Variants in HK1 observed in about 807,000 individuals in gnomAD.
HK1 encodes the protein hexokinase-1.
In HK1, 28 loss-of-function variants were observed where a neutral mutation model predicts 91.6. The ratio of observed to expected loss-of-function variants is 0.31; its 90% CI spans 0.23 to 0.42. HK1 has a LOEUF of 0.42. HK1 is among the 10% of genes least tolerant of loss of function. The pLI, the probability that HK1 is intolerant of heterozygous loss-of-function variation, is 1.00. For missense variants in HK1, 770 were observed against 1,219.8 expected (o/e 0.63, Z 5.49); for synonymous variants, 430 against 468.1 (o/e 0.92, Z 1.05).
rs377415022 is a variant in HK1 at position 69,307,677 on chromosome 10, C to T, written c.27+6816C>T. Among the ~76,000 whole-genome samples, 79 of 152,068 alleles carry T rather than the reference C, an allele frequency of 5.2e-4. 1 individual carries two copies. The South Asian group carries it at 0.016, about 30-fold the overall frequency. On this transcript the variant is annotated intron_variant, in intron 5 of 21. Coordinates refer to the HK1 transcript ENST00000360289. ...AAATGGGGATATTACGAGTATCCACCTCATTGTGTTGTTTTAAGGATCAAT... is the reference window on the plus strand; with the variant it reads ...AAATGGGGATATTACGAGTATCCACTTCATTGTGTTGTTTTAAGGATCAAT...
intron 3 of HK1, among the ~76,000 whole-genome samples, chr10:69,295,370 T>C (rs1405075321): frequency 2.0e-5 from 3 of 152,228 alleles, no homozygotes; most frequent in Admixed American, 1.3e-4. Flanking sequence ...TCTTGGACTC[T>C]CCAGCTTCCA....
At chr10:69,342,319 C>T (rs754586855) in intron 1 of HK1, among the ~76,000 whole-genome samples, 29 of 152,234 alleles carry the variant, frequency 1.9e-4, no homozygotes, top group East Asian at 1.9e-4. Flanking sequence ...CAGGGTGACA[C>T]GCATGGAAAG....
At chr10:69,382,403 A>C in intron 9 of HK1, 84 bp from the exon 10 acceptor site, 1 of 1,374,630 alleles carries the variant, frequency 7.3e-7, no homozygotes, top group Non-Finnish European at 1.0e-6. Context: ...AAAGAGTTAA[A>C]GAGTGGAGAA....
intron 2 of HK1, among the ~76,000 whole-genome samples, chr10:69,349,672 G>A (rs1223860058): frequency 6.6e-6 from 1 of 152,186 alleles, no homozygotes; most frequent in African/African-American, 2.4e-5. Context: ...GAGACCACAG[G>A]CTACAGCTCC....
At chr10:69,353,325 A>G (rs939590580) in intron 2 of HK1, among the ~76,000 whole-genome samples, 11 of 152,232 alleles carry the variant, frequency 7.2e-5, no homozygotes, top group Admixed American at 3.9e-4. Context: ...ATGATGGCTC[A>G]CGCCTGTAAT....
At chr10:69,304,926 T>A (rs189722184) in intron 5 of HK1, among the ~76,000 whole-genome samples, 43 of 152,202 alleles carry the variant, frequency 2.8e-4, no homozygotes, top group Non-Finnish European at 6.2e-4. Context: ...ATTCAAGGTG[T>A]TGGCAGGCTT....
Position 69,386,381 on chromosome 10 carries a change from T to C in HK1, c.1898T>C (p.Val633Ala). The C allele has an allele frequency of 6.2e-7, 1 of 1,613,996 alleles. No homozygotes were observed. The highest frequency in any genetic ancestry group is 8.5e-7 in the Non-Finnish European group (1 of 1,179,828). The change falls in exon 13 of 18, where the codon GTA becomes GCA. Residue 633 changes from valine to alanine, a missense_variant. Physicochemically the swap from Val to Ala is moderately conservative, Grantham distance 64. Around this residue, in one of 7 missense-constraint regions of HK1, gnomAD observed 152 missense variants for 211.1 expected, o/e 0.72. Coordinates refer to ENST00000359426, the MANE Select transcript of HK1 (RefSeq NM_000188.3). ...GCAACAGACTGCGTGGGCCACGATG[T>C]AGTCACCTTACTAAGGGATGCGATA... ...FKATDCVGHD[V>A]VTLLRDAIKR...
chr10:69,295,023 G>GAGAGAGAGAGAGAGAGAGAGAGAT, intron 3 of HK1, among the ~76,000 whole-genome samples: 1 of 146,162 alleles, frequency 6.8e-6, no homozygotes, highest in Non-Finnish European at 1.5e-5. Context: ...GAGAGAGAGA[G>GAGAGAGAGAGAGAGAGAGAGAGAT]AGAGAGAGAG....
intron 1 of HK1, among the ~76,000 whole-genome samples, chr10:69,326,051 G>T (rs912992912): frequency 6.6e-6 from 1 of 151,226 alleles, no homozygotes; most frequent in Non-Finnish European, 1.5e-5. Flanking sequence ...GGCCAGGCTG[G>T]TCTTGAATTC....
At chr10:69,341,801 C>T (rs1443246066) in intron 1 of HK1, among the ~76,000 whole-genome samples, 1 of 151,960 alleles carries the variant, frequency 6.6e-6, no homozygotes, top group Non-Finnish European at 1.5e-5. Context: ...CCTGATTGCC[C>T]TTCTTTGAGC....
Position 69,368,618 on chromosome 10 carries a change from T to A in HK1, c.578T>A (p.Ile193Asn), listed in dbSNP as rs752707011. 3 of 1,613,756 alleles carry A rather than the reference T, an allele frequency of 1.9e-6. No homozygotes were observed. The South Asian group carries it at 3.3e-5, about 18-fold the overall frequency. The part of the protein sequence containing the change: ...ADVVKLLNKA[I>N]KKRGDYDANI... ...GTGGTCAAACTGCTTAACAAAGCCA[T>A]CAAAAAGCGAGGGGTAATTTCTCCT... Residue 193 changes from isoleucine (I) to asparagine (N), a missense_variant, in exon 5 of 18, where the codon ATC becomes AAC. Transcript: ENST00000359426.
intron 1 of HK1, among the ~76,000 whole-genome samples, chr10:69,329,160 TTTC>T (rs377633075): frequency 2.1e-4 from 32 of 151,378 alleles, no homozygotes; most frequent in South Asian, 4.2e-4. Flanking sequence ...GCTTTCTTTC[TTTC>T]TTCTTCTTTT....
chr10:69,369,723 T>A lies in HK1; in HGVS notation c.875+99T>A. 2.6e-6 allele frequency: 3 copies of A among 1,165,296 alleles called. No homozygotes were observed. The highest frequency in any genetic ancestry group is 3.8e-6 in the Non-Finnish European group (3 of 795,650). The allele number at this position is 1,165,296 out of a possible 1,614,324, so 72.2% of individuals were successfully genotyped here. On this transcript the variant is annotated intron_variant, in intron 7 of 17. Transcript: ENST00000359426. This position sits in a 1 kb window ranked among gnomAD's most constrained non-coding sequence, Gnocchi z 4.4. ...ATGAAAAGGGCATAAAGCCAAGTGA[T>A]CACAAACAGAAAAGCCTGTCACATT... is the stretch of plus-strand genomic sequence containing the variant.
At chr10:69,376,874 A>G (rs1839137976) in intron 7 of HK1, 60 bp from the exon 8 acceptor site, 1 of 1,599,750 alleles carries the variant, frequency 6.3e-7, no homozygotes, top group Non-Finnish European at 8.6e-7. Flanking sequence ...TGTCTGTCCC[A>G]GCCCTCGTGT....
chr10:69,379,835 C>A, intron 8 of HK1, 27 bp from the exon 9 acceptor site: 1 of 1,492,406 alleles, frequency 6.7e-7, no homozygotes, highest in Non-Finnish European at 9.4e-7. Context: ...GTCCTCAGTG[C>A]ATCAGTATTG....
rs1055147366 is a variant in HK1, at chr10:69,278,974, G to A, written c.-390-3555G>A. Among the ~76,000 whole-genome samples the A allele has an allele frequency of 3.3e-5, 5 of 152,216 alleles. No individual in the cohort carries two copies. The South Asian group carries it at 6.2e-4, about 19-fold the overall frequency. On this transcript the variant is annotated intron_variant, in intron 1 of 21. Transcript: ENST00000360289. ...TAGAGAAGCTGTGATTCTAGCCTCA[G>A]AGGAGCGAGTTTTTATTGTGGGGTG...
At chr10:69,334,649 C>T (rs977947747) in intron 1 of HK1, among the ~76,000 whole-genome samples, 2 of 152,136 alleles carry the variant, frequency 1.3e-5, no homozygotes, top group South Asian at 2.1e-4. Context: ...CAGGAGCCAC[C>T]CAACCTGGCC....
intron 2 of HK1, among the ~76,000 whole-genome samples, chr10:69,288,230 T>C (rs1341753450): frequency 6.6e-6 from 1 of 152,192 alleles, no homozygotes; most frequent in Non-Finnish European, 1.5e-5. Context: ...TCTTTGGACA[T>C]AGTCATAAGC....
At chr10:69,288,753 A>T (rs774577579) in exon 3 of HK1, 11 of 1,613,772 alleles carry the variant, frequency 6.8e-6, no homozygotes, top group South Asian at 6.6e-5. Flanking sequence ...AATGGGGCAG[A>T]TCTGCCAGCG....
Sources: gnomAD v4.1 joint callset for allele counts (sites outside exome capture counted in the v4.1 genomes callset) on GRCh38, gnomAD v4.1.1 for gene constraint, gnomAD v4.1.1 regional missense constraint, Gnocchi (gnomAD v3.1) non-coding constraint, MANE v1.5 for transcripts, NCBI Gene and HGNC (gene_info 2026-07-23, HGNC 2026-07-21) for gene names.